The following EED variants were observed in gnomAD, a reference collection of about 807,000 sequenced individuals.
EED encodes the protein polycomb protein EED.
EED carries 9 observed loss-of-function variants against 61.0 expected under a neutral mutation model. That is an observed-to-expected ratio of 0.15 (90% CI 0.09 to 0.26). EED has a LOEUF of 0.26. Among genes scored for constraint, EED ranks in the 10% least tolerant of loss-of-function variants. The pLI, the probability that EED is intolerant of heterozygous loss-of-function variation, is 1.00. For missense variants in EED, 315 were observed against 542.3 expected (o/e 0.58, Z 4.16); for synonymous variants, 187 against 174.4 (o/e 1.07, Z -0.57).
At chr11:86,259,412 T>C (rs1945769967) in intron 6 of EED, among the ~76,000 whole-genome samples, 1 of 152,042 alleles carries the variant, frequency 6.6e-6, no homozygotes, top group Non-Finnish European at 1.5e-5. Flanking sequence ...GGTGTGATCA[T>C]GGCTCACTGT....
intron 5 of EED, among the ~76,000 whole-genome samples, chr11:86,257,167 C>T (rs1316615577): frequency 6.8e-6 from 1 of 147,684 alleles, no homozygotes; most frequent in Non-Finnish European, 1.5e-5. Context: ...TCTCAAGTAG[C>T]TGGGGCCAAT....
intron 11 of EED, 157 bp downstream of exon 11, chr11:86,278,148 T>G (rs1169839656): frequency 2.2e-6 from 3 of 1,334,754 alleles, no homozygotes; most frequent in Middle Eastern, 2.9e-4. Context: ...ATTCCAATAA[T>G]TTTTGTTTTT....
At chr11:86,279,955 A>G (rs1334733939), downstream of EED, among the ~76,000 whole-genome samples, 1 of 152,222 alleles carries the variant, frequency 6.6e-6, no homozygotes, top group Non-Finnish European at 1.5e-5. Context: ...TTTTAGCAAA[A>G]TGAGATTGCC....
At chr11:86,255,710 C>G (rs1320889229) in intron 4 of EED, among the ~76,000 whole-genome samples, 1 of 148,700 alleles carries the variant, frequency 6.7e-6, no homozygotes, top group Non-Finnish European at 1.5e-5. Context: ...ATCAACGAAG[C>G]CTAGGAAGAA....
chr11:86,266,341 G>T, intron 8 of EED, 125 bp downstream of exon 8: 1 of 809,420 alleles, frequency 1.2e-6, no homozygotes, highest in East Asian at 2.8e-5. Context: ...AACTTTAAGG[G>T]ACAATTTACA....
At chr11:86,246,577 T>C (rs1468134370) in intron 1 of EED, among the ~76,000 whole-genome samples, 1 of 152,218 alleles carries the variant, frequency 6.6e-6, no homozygotes, top group Non-Finnish European at 1.5e-5. Context: ...TGTGGGATCT[T>C]AGACTTCAAA....
rs566204192 is a variant in EED at position 86,244,802 on chromosome 11, G to T, written c.-428G>T. 1.3e-5 allele frequency: 3 copies of T among 237,964 alleles called. No homozygotes were observed. Among genetic ancestry groups the T allele is most frequent in the Non-Finnish European group, 2.5e-5 (3 of 121,010 alleles). 14.7% of individuals were successfully genotyped at this position (237,964 alleles called of 1,614,324 possible). A position where few individuals can be genotyped will look rare whatever the true frequency, so the allele number is the denominator to read the frequency against. On this transcript the variant is annotated 5_prime_UTR_variant, in exon 1 of 12. Coordinates refer to ENST00000263360, the MANE Select transcript of EED (RefSeq NM_003797.5). ...CAGCGGGTCGGAGATCGAAGGAACG[G>T]GCCAATTGCGGCTGAAACGTCTTTG...
chr11:86,277,286 T>C, intron 10 of EED, 148 bp downstream of exon 10: 1 of 669,926 alleles, frequency 1.5e-6, no homozygotes, highest in Non-Finnish European at 2.3e-6. Context: ...ATGTCATTCA[T>C]CAAATACTTT....
intron 9 of EED, among the ~76,000 whole-genome samples, chr11:86,274,442 A>G (rs1279200379): frequency 6.6e-6 from 1 of 152,080 alleles, no homozygotes; most frequent in African/African-American, 2.4e-5. Context: ...AAACCTGGGT[A>G]TTTTGGGTAT....
intron 6 of EED, among the ~76,000 whole-genome samples, chr11:86,259,396 T>C (rs1022043607): frequency 2.0e-5 from 3 of 151,700 alleles, no homozygotes; most frequent in Non-Finnish European, 2.9e-5. Context: ...CCAGGTTGAG[T>C]GCAGTGGTGT....
At position 86,257,481 on chromosome 11, in the gene EED, A is replaced by T. The variant is rs546706742; in HGVS notation, c.553-34A>T. 97 of 1,535,712 alleles carry T rather than the reference A, an allele frequency of 6.3e-5. No homozygotes were observed. The South Asian group carries it at 1.2e-3, about 18-fold the overall frequency. ...TGAAAAAAAATTTACTGATTTTGAG[A>T]TAGGAAACTTGAAATGTTTTAAATT... On this transcript the variant is annotated intron_variant, in intron 5 of 11. Transcript: ENST00000263360.
In EED at chr11:86,250,456, C is replaced by CA. The variant is rs1302286766; in HGVS notation, c.267+15dup. The stretch of plus-strand genomic sequence containing the variant: ...TGTGTAAATAGTCTCAAGGTATGTG[C>CA]AAAAAAAGATCCTTTGGGCTGAATG... On this transcript the variant is annotated intron_variant, in intron 2 of 11. Transcript: ENST00000263360. 5.8e-6 allele frequency: 9 copies of CA among 1,555,622 alleles called. No homozygotes were observed. Among genetic ancestry groups the CA allele is most frequent in the Admixed American group, 2.0e-5 (1 of 49,816 alleles).
chr11:86,263,366 C>T (rs1429063616), intron 6 of EED, among the ~76,000 whole-genome samples: 1 of 152,208 alleles, frequency 6.6e-6, no homozygotes, highest in Non-Finnish European at 1.5e-5. Flanking sequence ...TTCTTCCAGC[C>T]TCTCCTCGTT....
chr11:86,266,699 A>G (rs1945989736), intron 8 of EED, among the ~76,000 whole-genome samples: 1 of 152,142 alleles, frequency 6.6e-6, no homozygotes, highest in African/African-American at 2.4e-5. Flanking sequence ...GATTAAATGG[A>G]GAGAATTCAA....
Position 86,245,006 on chromosome 11 carries a change from A to C in EED, c.-224A>C. On this transcript the variant is annotated 5_prime_UTR_variant, in exon 1 of 12. Coordinates refer to ENST00000263360, the MANE Select transcript of EED (RefSeq NM_003797.5). ...GAGTTGGGGAAGGGAAGGAGCCAGG[A>C]AGCCGCGCGGGAGGGCGCGCGCGCG... The C allele has an allele frequency of 2.2e-6, 1 of 446,702 alleles. No individual in the cohort carries two copies. The highest frequency in any genetic ancestry group is 4.0e-6 in the Non-Finnish European group (1 of 250,478). 27.7% of individuals were successfully genotyped at this position (446,702 alleles called of 1,614,324 possible). A position where few individuals can be genotyped will look rare whatever the true frequency, so the allele number is the denominator to read the frequency against.
chr11:86,250,912 A>C (rs1189248518), intron 2 of EED, among the ~76,000 whole-genome samples: 4 of 152,092 alleles, frequency 2.6e-5, no homozygotes, highest in Non-Finnish European at 5.9e-5. Context: ...AAAAAGGTGT[A>C]AAAAATTTTT....
chr11:86,257,443 C>A, intron 5 of EED, 72 bp from the exon 6 acceptor site: 2 of 1,118,254 alleles, frequency 1.8e-6, no homozygotes, highest in Non-Finnish European at 2.4e-6. Flanking sequence ...TTTTTACATT[C>A]TCTAAAGATT....
At chr11:86,263,916 C>T in intron 6 of EED, 1 of 417,488 alleles carries the variant, frequency 2.4e-6, no homozygotes, top group East Asian at 4.1e-5. Context: ...CCATTAGGCC[C>T]CAGCTCACAC....
the EED span, chr11:86,284,787 T>G: frequency 1.3e-5 from 2 of 152,232 alleles, no homozygotes; most frequent in Non-Finnish European, 2.9e-5. Context: ...GTCAGCTATG[T>G]AATATCCAGG....
Sources: allele counts gnomAD v4.1 joint callset (sites outside exome capture counted in the v4.1 genomes callset), GRCh38; gene constraint gnomAD v4.1.1; transcripts MANE v1.5; gene names NCBI Gene and HGNC (gene_info 2026-07-23, HGNC 2026-07-21).